Variants in KIAA1217 observed in about 807,000 individuals in gnomAD.
KIAA1217 encodes the protein sickle tail protein homolog.
KIAA1217 carries 88 observed loss-of-function variants against 163.9 expected under a neutral mutation model. That is an observed-to-expected ratio of 0.54 (90% CI 0.45 to 0.64). The LOEUF (loss-of-function observed/expected upper bound fraction) is 0.64, where lower values mean the gene tolerates loss of function less well. Ranked by LOEUF, KIAA1217 falls within the 30% of genes least tolerant of loss-of-function variation. The probability of loss-of-function intolerance (pLI) is 0.00; values close to 1 mark genes in which losing one functional copy is unlikely to be tolerated. For synonymous variants in KIAA1217, 903 were observed against 923.1 expected, an observed-to-expected ratio of 0.98 and a Z score of 0.39; for missense variants, 2,372 against 2,475.0, an observed-to-expected ratio of 0.96 and a Z score of 0.88.
At chr10:23,728,598 C>T (rs988649530) in intron 1 of KIAA1217, among the ~76,000 whole-genome samples, 6 of 152,002 alleles carry the variant, frequency 3.9e-5, no homozygotes, top group African/African-American at 1.2e-4. Context: ...AGTTTTCTCC[C>T]ATTCTGTAGG....
At chr10:24,193,998 C>T (rs1232496545) in intron 2 of KIAA1217, among the ~76,000 whole-genome samples, 1 of 152,002 alleles carries the variant, frequency 6.6e-6, no homozygotes, top group Non-Finnish European at 1.5e-5. Flanking sequence ...ACCAGCCTGG[C>T]CAACATGGCG....
At chr10:24,437,283 C>T (rs2060122844) in intron 4 of KIAA1217, among the ~76,000 whole-genome samples, 1 of 152,178 alleles carries the variant, frequency 6.6e-6, no homozygotes, top group Non-Finnish European at 1.5e-5. Flanking sequence ...GGTTCCCCCT[C>T]AAGCCGACTT....
At chr10:23,723,210 A>G (rs1428213205) in intron 1 of KIAA1217, among the ~76,000 whole-genome samples, 1 of 152,046 alleles carries the variant, frequency 6.6e-6, no homozygotes, top group Non-Finnish European at 1.5e-5. Context: ...ATGGGTATTG[A>G]TGCTTTTCAT....
In KIAA1217 at chr10:23,830,666, A is replaced by ATAGGTAGGTAGGTAGG. The variant is rs143607296; in HGVS notation, c.-321+135460_-321+135475dup. Among the ~76,000 whole-genome samples the ATAGGTAGGTAGGTAGG allele has an allele frequency of 1.4e-4, 20 of 147,754 alleles. 1 individual carries two copies. Among genetic ancestry groups the ATAGGTAGGTAGGTAGG allele is most frequent in the South Asian group, 4.4e-4 (2 of 4,544 alleles). On this transcript the variant is annotated intron_variant, in intron 1 of 18. Coordinates refer to the KIAA1217 transcript ENST00000376462. Reference sequence around the variant, plus strand: ...GACGATTGATAGAAAATGAGAAATCATAGGTAGGTAGGTAGGTAGGTAGGT... The same window carrying ATAGGTAGGTAGGTAGG: ...GACGATTGATAGAAAATGAGAAATCATAGGTAGGTAGGTAGGTAGGTAGGTAGGTAGGTAGGTAGGT...
At chr10:24,439,209 C>T (rs1334528414) in intron 5 of KIAA1217, among the ~76,000 whole-genome samples, 1 of 152,086 alleles carries the variant, frequency 6.6e-6, no homozygotes. Flanking sequence ...AAAAATAAGG[C>T]TACATTCCTC....
chr10:24,180,280 C>CTTTTTTT (rs34268461), intron 2 of KIAA1217, among the ~76,000 whole-genome samples: 3 of 83,180 alleles, frequency 3.6e-5, no homozygotes, highest in Admixed American at 1.5e-4. Context: ...CCTCAACCTT[C>CTTTTTTT]TTTTTTTTTT....
chr10:24,219,014 T>C (rs1453399770), intron 1 of KIAA1217, among the ~76,000 whole-genome samples: 2 of 152,200 alleles, frequency 1.3e-5, no homozygotes, highest in Non-Finnish European at 2.9e-5. Flanking sequence ...ATAATCAGAA[T>C]CACTGGAGTT....
intron 2 of KIAA1217, among the ~76,000 whole-genome samples, chr10:24,149,974 TAAAGCTTAAAACAGA>T (rs560438780): frequency 1.8e-4 from 28 of 152,224 alleles, no homozygotes; most frequent in African/African-American, 6.7e-4. Context: ...GGAAAAACAA[TAAAGCTTAAAACAGA>T]ACTAAGAGAT....
chr10:24,501,313 G>C (rs1366221248), intron 8 of KIAA1217, 66 bp from the exon 9 acceptor site: 1 of 1,462,174 alleles, frequency 6.8e-7, no homozygotes, highest in African/African-American at 1.4e-5. Flanking sequence ...TCTGCATTGG[G>C]ATGGGATGCA....
At chr10:23,857,481 A>G (rs1839746685) in intron 1 of KIAA1217, among the ~76,000 whole-genome samples, 1 of 152,194 alleles carries the variant, frequency 6.6e-6, no homozygotes, top group Admixed American at 6.5e-5. Context: ...CTGTAATTAA[A>G]ACACCTTTGT....
intron 2 of KIAA1217, among the ~76,000 whole-genome samples, chr10:24,314,957 A>G (rs1302930490): frequency 6.6e-6 from 1 of 152,008 alleles, no homozygotes; most frequent in Non-Finnish European, 1.5e-5. Context: ...AAAAATAATA[A>G]TAATAAAATA....
chr10:24,238,945 T>C (rs74444052), intron 2 of KIAA1217, among the ~76,000 whole-genome samples: 3,862 of 152,272 alleles, frequency 0.025, 133 homozygotes, highest in African/African-American at 0.08. Context: ...GCACAAATTA[T>C]ACTGTGCAGA....
intron 1 of KIAA1217, among the ~76,000 whole-genome samples, chr10:24,218,418 T>A (rs2069117268): frequency 6.6e-6 from 1 of 152,168 alleles, no homozygotes; most frequent in African/African-American, 2.4e-5. Flanking sequence ...TCCTTTTCAC[T>A]GTGTTTTAGG....
chr10:24,334,742 A>G (rs2046138341), intron 2 of KIAA1217, among the ~76,000 whole-genome samples: 1 of 152,210 alleles, frequency 6.6e-6, no homozygotes, highest in Non-Finnish European at 1.5e-5. Flanking sequence ...CATAGTCATA[A>G]TATCTGCAAA....
At chr10:24,527,221 G>C (rs1390130327) in intron 13 of KIAA1217, among the ~76,000 whole-genome samples, 1 of 151,832 alleles carries the variant, frequency 6.6e-6, no homozygotes, top group Non-Finnish European at 1.5e-5. Context: ...GATAGAAGTG[G>C]TACTAAGACA....
At chr10:24,314,715 G>T (rs1328619829) in intron 2 of KIAA1217, among the ~76,000 whole-genome samples, 6 of 152,110 alleles carry the variant, frequency 3.9e-5, no homozygotes, top group African/African-American at 1.4e-4. Context: ...GCCGAGGCAG[G>T]AGGATCATGA....
intron 2 of KIAA1217, among the ~76,000 whole-genome samples, chr10:24,144,086 C>A (rs1779925823): frequency 6.6e-6 from 1 of 152,148 alleles, no homozygotes; most frequent in Admixed American, 6.5e-5. Flanking sequence ...AAAAGAATCC[C>A]AGTAATAAAT....
chr10:24,398,801 T>C (rs902050112), intron 3 of KIAA1217, among the ~76,000 whole-genome samples: 1 of 152,210 alleles, frequency 6.6e-6, no homozygotes, highest in Non-Finnish European at 1.5e-5. Context: ...TCCAGTGGCA[T>C]GCCCCCAGAA....
At chr10:24,305,781 G>A (rs1030607224) in intron 2 of KIAA1217, among the ~76,000 whole-genome samples, 2 of 152,170 alleles carry the variant, frequency 1.3e-5, no homozygotes, top group African/African-American at 4.8e-5. Flanking sequence ...CTGTCAGGAC[G>A]TGTCATCTTT....
Sources: gnomAD v4.1 joint callset for allele counts (sites outside exome capture counted in the v4.1 genomes callset) on GRCh38, gnomAD v4.1.1 for gene constraint, MANE v1.5 for transcripts, NCBI Gene and HGNC (gene_info 2026-07-23, HGNC 2026-07-21) for gene names.